CTNNA2: variants seen among roughly 807,000 people sequenced by gnomAD.
The protein encoded by CTNNA2 is catenin alpha-2.
Under a neutral mutation model 101.0 loss-of-function variants are expected in CTNNA2, and 42 were observed. The observed-to-expected ratio is 0.42, with a 90% CI of 0.32 to 0.54. The LOEUF (loss-of-function observed/expected upper bound fraction) is 0.54, where lower values mean the gene tolerates loss of function less well. Among genes scored for constraint, CTNNA2 ranks in the 20% least tolerant of loss-of-function variants. The pLI is 0.14. For synonymous variants in CTNNA2, 450 were observed against 456.4 expected (o/e 0.99, Z 0.18); for missense variants, 871 against 1,223.1 (o/e 0.71, Z 4.29).
chr2:80,239,492 G>A (rs1204103208), intron 7 of CTNNA2, among the ~76,000 whole-genome samples: 2 of 152,106 alleles, frequency 1.3e-5, no homozygotes, highest in East Asian at 1.9e-4. Context: ...TCCAAGCCCC[G>A]CAGTGGAGGT....
intron 7 of CTNNA2, among the ~76,000 whole-genome samples, chr2:80,006,283 T>C (rs1693339766): frequency 6.6e-6 from 1 of 151,014 alleles, no homozygotes; most frequent in South Asian, 2.1e-4. Context: ...AGTCTATCAG[T>C]CATAATAATA....
chr2:79,252,069 C>A (rs17016655), intron 2 of CTNNA2, among the ~76,000 whole-genome samples: 3,959 of 152,222 alleles, frequency 0.026, 175 homozygotes, highest in African/African-American at 0.09. Context: ...GAAAGGGGCT[C>A]TGCACAGGTG....
chr2:80,401,135 G>A (rs965145498), intron 8 of CTNNA2, among the ~76,000 whole-genome samples: 12 of 152,126 alleles, frequency 7.9e-5, no homozygotes, highest in African/African-American at 2.9e-4. Context: ...GACACATTTT[G>A]CAGTGGGTTT....
At chr2:80,311,419 G>T (rs145558525) in intron 7 of CTNNA2, among the ~76,000 whole-genome samples, 1 of 152,072 alleles carries the variant, frequency 6.6e-6, no homozygotes, top group African/African-American at 2.4e-5. Flanking sequence ...CTGGGGCCCC[G>T]ACCTGTATTT....
chr2:80,630,932 T>G (rs1377847565), intron 18 of CTNNA2, among the ~76,000 whole-genome samples: 1 of 152,170 alleles, frequency 6.6e-6, no homozygotes, highest in Non-Finnish European at 1.5e-5. Flanking sequence ...CATTCGTTTT[T>G]TAAAAGAAAA....
intron 7 of CTNNA2, among the ~76,000 whole-genome samples, chr2:80,323,939 T>A (rs1049477695): frequency 6.6e-6 from 1 of 152,162 alleles, no homozygotes; most frequent in African/African-American, 2.4e-5. Context: ...ATTTCAGTTT[T>A]CATAATGTTT....
chr2:79,697,969 A>C (rs1684751257), intron 2 of CTNNA2: 1 of 152,062 alleles, frequency 6.6e-6, no homozygotes, highest in Non-Finnish European at 1.5e-5. Context: ...TGACAAAACC[A>C]TTCAACATTA....
chr2:80,491,653 T>G (rs1190887432), intron 9 of CTNNA2, among the ~76,000 whole-genome samples: 3 of 152,198 alleles, frequency 2.0e-5, no homozygotes, highest in Non-Finnish European at 4.4e-5. Flanking sequence ...TATGAGATGC[T>G]GTGGTTAAGA....
chr2:80,137,200 GA>G (rs1558842178), intron 7 of CTNNA2, among the ~76,000 whole-genome samples: 2 of 152,110 alleles, frequency 1.3e-5, no homozygotes, highest in Non-Finnish European at 2.9e-5. Flanking sequence ...GATATTTTGA[GA>G]AACCTACCAC....
intron 1 of CTNNA2, among the ~76,000 whole-genome samples, chr2:79,523,017 A>G (rs1672203808): frequency 6.6e-6 from 1 of 152,180 alleles, no homozygotes; most frequent in South Asian, 2.1e-4. Flanking sequence ...CCGTGAGTAT[A>G]TCTGAGTTAT....
chr2:80,039,389 C>T (rs528123486), intron 7 of CTNNA2, among the ~76,000 whole-genome samples: 11 of 152,280 alleles, frequency 7.2e-5, no homozygotes, highest in South Asian at 2.1e-4. Flanking sequence ...GTGGAGCCCA[C>T]GGGCAGTTAC....
intron 1 of CTNNA2, among the ~76,000 whole-genome samples, chr2:79,623,349 C>A (rs1679109485): frequency 1.3e-5 from 2 of 152,148 alleles, no homozygotes; most frequent in African/African-American, 4.8e-5. Context: ...AGCATATATA[C>A]TTACAAAGGC....
chr2:79,355,219 T>G (rs2104442107), intron 3 of CTNNA2, among the ~76,000 whole-genome samples: 1 of 152,266 alleles, frequency 6.6e-6, no homozygotes, highest in African/African-American at 2.4e-5. Flanking sequence ...GGGCTCTTTT[T>G]GGGTTCCATA....
chr2:80,204,853 T>TA (rs1440836746), intron 7 of CTNNA2, among the ~76,000 whole-genome samples: 1 of 151,976 alleles, frequency 6.6e-6, no homozygotes, highest in Admixed American at 6.6e-5. Flanking sequence ...TTTATGAACT[T>TA]ACACTTCCAC....
intron 2 of CTNNA2, chr2:79,687,445 T>C (rs1684007027): frequency 5.8e-6 from 1 of 173,216 alleles, no homozygotes; most frequent in Non-Finnish European, 9.9e-6. Context: ...TTGGATCTGC[T>C]TTTTTTTTTT....
intron 2 of CTNNA2, among the ~76,000 whole-genome samples, chr2:79,241,663 A>T (rs1674626841): frequency 6.6e-6 from 1 of 152,224 alleles, no homozygotes; most frequent in African/African-American, 2.4e-5. Context: ...TTAATCAAAT[A>T]TTTAAAAAGT....
chr2:80,147,870 C>A (rs1183613462), intron 7 of CTNNA2, among the ~76,000 whole-genome samples: 1 of 152,132 alleles, frequency 6.6e-6, no homozygotes, highest in African/African-American at 2.4e-5. Flanking sequence ...CAAATTGCTC[C>A]TGACAGAGTG....
At chr2:80,515,034 C>A (rs1689003756) in intron 9 of CTNNA2, among the ~76,000 whole-genome samples, 1 of 152,038 alleles carries the variant, frequency 6.6e-6, no homozygotes, top group Non-Finnish European at 1.5e-5. Flanking sequence ...TGTGTCAAGT[C>A]CTTTGATTTC....
At position 80,305,380 on chromosome 2, in the gene CTNNA2, C is replaced by A. The variant is rs1307839693; in HGVS notation, c.1057-87831C>A. On this transcript the variant is annotated intron_variant, in intron 7 of 18. Transcript: ENST00000402739. ...ATCCCTCCGGGGCTTCATCAGGCTC[C>A]ACAGATACATATGGGGTACAGAGTG... The A allele has an allele frequency of 4.1e-6, 4 of 984,862 alleles. No homozygotes were observed. The Admixed American group carries it at 2.5e-4, about 61-fold the overall frequency. The allele number at this position is 984,862 out of a possible 1,614,324, so 61.0% of individuals were successfully genotyped here. A position where few individuals can be genotyped will look rare whatever the true frequency, so the allele number is the denominator to read the frequency against.
Sources: allele counts gnomAD v4.1 joint callset (sites outside exome capture counted in the v4.1 genomes callset), GRCh38; gene constraint gnomAD v4.1.1; transcripts MANE v1.5; gene names NCBI Gene and HGNC (gene_info 2026-07-23, HGNC 2026-07-21).